The following SGCZ variants were observed in gnomAD, a reference collection of about 807,000 sequenced individuals.
SGCZ encodes zeta-sarcoglycan.
A neutral mutation model predicts 41.3 loss-of-function variants in SGCZ; 40 were observed. The observed-to-expected ratio is 0.97, with a 90% CI of 0.75 to 1.26. The LOEUF is 1.26. Among genes scored for constraint, SGCZ ranks in the 50% most tolerant of loss-of-function variants. The probability of loss-of-function intolerance (pLI) is 0.00; values close to 1 mark genes in which losing one functional copy is unlikely to be tolerated. For synonymous variants in SGCZ, 206 were observed against 137.5 expected, an observed-to-expected ratio of 1.50 and a Z score of -3.49; for missense variants, 552 against 369.8, an observed-to-expected ratio of 1.49 and a Z score of -4.04.
intron 1 of SGCZ, among the ~76,000 whole-genome samples, chr8:15,097,532 T>C (rs73525035): frequency 0.11 from 16,771 of 151,506 alleles, 973 homozygotes; most frequent in Middle Eastern, 0.21. Flanking sequence ...GAGGATTAGT[T>C]GAATGCCAGG....
intron 1 of SGCZ, among the ~76,000 whole-genome samples, chr8:15,024,751 A>T (rs528721790): frequency 6.6e-6 from 1 of 152,116 alleles, no homozygotes; most frequent in Admixed American, 6.5e-5. Flanking sequence ...CCTGGCTAAC[A>T]TGGTGAAACC....
chr8:14,303,877 G>A (rs932433588), intron 3 of SGCZ, among the ~76,000 whole-genome samples: 1 of 151,672 alleles, frequency 6.6e-6, no homozygotes, highest in Non-Finnish European at 1.5e-5. Flanking sequence ...TCAGTCTCCC[G>A]AGTGGCTAGG....
chr8:14,808,607 T>G (rs1168717282), intron 1 of SGCZ, among the ~76,000 whole-genome samples: 3 of 152,062 alleles, frequency 2.0e-5, no homozygotes, highest in Admixed American at 6.6e-5. Context: ...TGTGGAGAAA[T>G]AGGAACACTT....
At chr8:14,927,177 C>T (rs1283227963) in intron 1 of SGCZ, among the ~76,000 whole-genome samples, 2 of 140,614 alleles carry the variant, frequency 1.4e-5, no homozygotes, top group African/African-American at 2.7e-5. Context: ...GGCGCGATCT[C>T]GGCTCACTGC....
At position 14,127,590 on chromosome 8, in the gene SGCZ, G is replaced by T. The variant is rs183397197; in HGVS notation, c.548-19355C>A. Among the ~76,000 whole-genome samples the T allele has an allele frequency of 3.4e-3, 522 of 152,036 alleles. 1 individual carries two copies. The highest frequency in any genetic ancestry group is 5.9e-3 in the Non-Finnish European group (401 of 67,986). On this transcript the variant is annotated intron_variant, in intron 5 of 7. Coordinates refer to ENST00000382080, the MANE Select transcript of SGCZ (RefSeq NM_139167.4). Reference sequence around the variant, plus strand: ...CCTGCCTCAGCCTCCCGAGTAGCTGGGACTACAGGCACCCACTACCACACC... The same window carrying T: ...CCTGCCTCAGCCTCCCGAGTAGCTGTGACTACAGGCACCCACTACCACACC...
chr8:14,361,233 T>G (rs1803501660), intron 2 of SGCZ, among the ~76,000 whole-genome samples: 1 of 152,198 alleles, frequency 6.6e-6, no homozygotes, highest in Non-Finnish European at 1.5e-5. Context: ...TGGGCCAGCC[T>G]TGCTAGGTTG....
chr8:14,839,801 G>C (rs1022939941), intron 1 of SGCZ, among the ~76,000 whole-genome samples: 12 of 151,976 alleles, frequency 7.9e-5, no homozygotes, highest in African/African-American at 2.9e-4. Context: ...CAAACATTTA[G>C]TTATTTATGT....
chr8:14,662,762 C>T (rs1807796504), intron 1 of SGCZ, among the ~76,000 whole-genome samples: 1 of 152,110 alleles, frequency 6.6e-6, no homozygotes, highest in Non-Finnish European at 1.5e-5. Flanking sequence ...TATCCACAAG[C>T]ATGGGCCCAA....
intron 1 of SGCZ, among the ~76,000 whole-genome samples, chr8:15,196,318 G>C (rs1027665902): frequency 6.6e-6 from 1 of 152,122 alleles, no homozygotes; most frequent in African/African-American, 2.4e-5. Flanking sequence ...CTCAAAACTG[G>C]ATTTGACAAT....
intron 2 of SGCZ, among the ~76,000 whole-genome samples, chr8:14,544,409 A>G (rs1402657529): frequency 1.3e-5 from 2 of 152,104 alleles, no homozygotes; most frequent in African/African-American, 2.4e-5. Context: ...GAAGACAACC[A>G]TAAGGTCTGA....
At chr8:15,178,196 TC>T (rs777241467) in intron 1 of SGCZ, among the ~76,000 whole-genome samples, 57 of 152,236 alleles carry the variant, frequency 3.7e-4, no homozygotes, top group Admixed American at 9.8e-4. Flanking sequence ...CACAACCATT[TC>T]TTTTTTTGTT....
At chr8:14,716,499 A>G (rs962537263) in intron 1 of SGCZ, among the ~76,000 whole-genome samples, 1 of 152,128 alleles carries the variant, frequency 6.6e-6, no homozygotes, top group African/African-American at 2.4e-5. Context: ...AGTTTTGTTT[A>G]GAAGACACTG....
chr8:14,450,316 G>C (rs912033951), intron 2 of SGCZ, among the ~76,000 whole-genome samples: 1 of 143,242 alleles, frequency 7.0e-6, no homozygotes, highest in African/African-American at 2.4e-5. Context: ...AATCCTGCAA[G>C]TATTGCGGTA....
chr8:14,660,974 G>A (rs528885193), intron 1 of SGCZ, among the ~76,000 whole-genome samples: 1 of 152,254 alleles, frequency 6.6e-6, no homozygotes, highest in Non-Finnish European at 1.5e-5. Context: ...TGAAAACAAT[G>A]TAGAAAATTC....
intron 2 of SGCZ, among the ~76,000 whole-genome samples, chr8:14,460,649 G>GAGAC (rs1421579012): frequency 6.6e-6 from 1 of 152,112 alleles, no homozygotes; most frequent in Non-Finnish European, 1.5e-5. Context: ...AAAGAACAGA[G>GAGAC]AGACGAATTC....
chr8:14,476,943 G>C (rs1430543171), intron 2 of SGCZ, among the ~76,000 whole-genome samples: 2 of 152,044 alleles, frequency 1.3e-5, no homozygotes, highest in Non-Finnish European at 2.9e-5. Flanking sequence ...CTTTCCAAAA[G>C]GTACAAAAGC....
intron 1 of SGCZ, among the ~76,000 whole-genome samples, chr8:14,649,194 G>T (rs762414086): frequency 6.6e-6 from 1 of 152,132 alleles, no homozygotes; most frequent in African/African-American, 2.4e-5. Flanking sequence ...ATGTCAGACA[G>T]GGCTAGGTAC....
chr8:15,020,170 T>A (rs1207605112), intron 1 of SGCZ, among the ~76,000 whole-genome samples: 1 of 152,134 alleles, frequency 6.6e-6, no homozygotes, highest in Non-Finnish European at 1.5e-5. Flanking sequence ...TCATCTCTAC[T>A]GAGTCATGCT....
At chr8:14,242,243 C>T (rs138308553) in intron 3 of SGCZ, among the ~76,000 whole-genome samples, 1 of 152,294 alleles carries the variant, frequency 6.6e-6, no homozygotes, top group East Asian at 1.9e-4. Flanking sequence ...TTAACTATTA[C>T]ATTAAGTCGT....
Sources: allele counts gnomAD v4.1 joint callset (sites outside exome capture counted in the v4.1 genomes callset), GRCh38; gene constraint gnomAD v4.1.1; transcripts MANE v1.5; gene names NCBI Gene and HGNC (gene_info 2026-07-23, HGNC 2026-07-21).